The following MC2R variants were observed in gnomAD, a reference collection of about 807,000 sequenced individuals.
MC2R encodes adrenocorticotropic hormone receptor.
In MC2R, 9 loss-of-function variants were observed where a neutral mutation model predicts 9.8. The observed-to-expected ratio is 0.92, with a 90% CI of 0.55 to 1.60. The LOEUF (loss-of-function observed/expected upper bound fraction) is 1.60, where lower values mean the gene tolerates loss of function less well. Among genes scored for constraint, MC2R ranks in the 40% most tolerant of loss-of-function variants. MC2R has a pLI of 0.00. For missense variants in MC2R, 370 were observed against 389.0 expected (o/e 0.95, Z 0.41); for synonymous variants, 185 against 154.7 (o/e 1.20, Z -1.45).
intron 1 of MC2R, among the ~76,000 whole-genome samples, chr18:13,890,191 C>G (rs2045307592): frequency 1.3e-5 from 2 of 152,134 alleles, no homozygotes; most frequent in Admixed American, 1.3e-4. Context: ...GTAGACACCA[C>G]TTGTGGTTTA....
At chr18:13,905,742 C>T (rs576427283) in intron 1 of MC2R, among the ~76,000 whole-genome samples, 1 of 152,274 alleles carries the variant, frequency 6.6e-6, no homozygotes, top group South Asian at 2.1e-4. Flanking sequence ...AATCCCATTA[C>T]TGGGTATATA....
chr18:13,892,103 A>G (rs1234053965), intron 1 of MC2R, among the ~76,000 whole-genome samples: 1 of 152,196 alleles, frequency 6.6e-6, no homozygotes, highest in Non-Finnish European at 1.5e-5. Flanking sequence ...TCTGGGGTCA[A>G]TTCAGGGGCC....
intron 1 of MC2R, among the ~76,000 whole-genome samples, chr18:13,887,754 C>T (rs2045285937): frequency 6.6e-6 from 1 of 152,164 alleles, no homozygotes; most frequent in Admixed American, 6.5e-5. Flanking sequence ...CTCTTCCTGC[C>T]TTCGGACTAG....
intron 1 of MC2R, among the ~76,000 whole-genome samples, chr18:13,889,849 C>T (rs980657151): frequency 1.3e-5 from 2 of 152,104 alleles, no homozygotes; most frequent in South Asian, 2.1e-4. Context: ...CAAGGGAGTC[C>T]TATTCTCTCT....
intron 1 of MC2R, among the ~76,000 whole-genome samples, chr18:13,895,172 T>C (rs1172843401): frequency 6.6e-6 from 1 of 152,260 alleles, no homozygotes; most frequent in African/African-American, 2.4e-5. Context: ...ATTCACAGCC[T>C]GTGCTTCTAA....
intron 1 of MC2R, among the ~76,000 whole-genome samples, chr18:13,914,826 G>C (rs956598695): frequency 1.3e-5 from 2 of 152,206 alleles, no homozygotes; most frequent in African/African-American, 4.8e-5. Context: ...CCTCATGATG[G>C]CAGTGACTGC....
intron 1 of MC2R, among the ~76,000 whole-genome samples, chr18:13,902,842 G>T (rs890430086): frequency 3.3e-5 from 5 of 152,022 alleles, no homozygotes; most frequent in African/African-American, 1.2e-4. Context: ...GGACAAATGG[G>T]ACCACATCAA....
intron 1 of MC2R, among the ~76,000 whole-genome samples, chr18:13,905,812 C>T (rs1223993739): frequency 2.0e-5 from 3 of 152,186 alleles, no homozygotes; most frequent in Non-Finnish European, 4.4e-5. Context: ...AATCCCAGCA[C>T]TTTGGAAGGC....
intron 1 of MC2R, among the ~76,000 whole-genome samples, chr18:13,897,499 T>C (rs2045353408): frequency 6.6e-6 from 1 of 152,038 alleles, no homozygotes; most frequent in African/African-American, 2.4e-5. Flanking sequence ...GACAGCGGAC[T>C]TGGGGGGCGC....
intron 1 of MC2R, among the ~76,000 whole-genome samples, chr18:13,898,304 G>A (rs183436370): frequency 2.6e-5 from 4 of 152,182 alleles, no homozygotes; most frequent in African/African-American, 4.8e-5. Context: ...GGAAAGAGAC[G>A]GGTGAGTGGG....
rs759943594 is a variant in MC2R, at chr18:13,884,647, A to G, written c.872T>C (p.Ile291Thr). Residue 291 changes from isoleucine (I) to threonine (T), a missense_variant, in exon 2 of 2, where the codon ATC (isoleucine) becomes ACC (threonine). Ile to Thr is a moderately conservative substitution (Grantham distance 89). Coordinates refer to ENST00000327606, the MANE Select transcript of MC2R (RefSeq NM_000529.2). ...PELRDAFKKM[I>T]FCSRYW ...ATTCTACCAGTACCTGCTGCAGAAGATCATCTTTTTGAATGCGTCCCTGAG... is the reference window on the plus strand; with the variant it reads ...ATTCTACCAGTACCTGCTGCAGAAGGTCATCTTTTTGAATGCGTCCCTGAG... The G allele has an allele frequency of 4.3e-6, 7 of 1,613,284 alleles. No individual in the cohort carries two copies. The highest frequency in any genetic ancestry group is 5.9e-6 in the Non-Finnish European group (7 of 1,180,036).
rs1382780770 is a variant in MC2R, at chr18:13,883,182, T to A, written c.*1443A>T. On this transcript the variant is annotated 3_prime_UTR_variant, in exon 2 of 2. Coordinates refer to ENST00000327606, the MANE Select transcript of MC2R (RefSeq NM_000529.2). Reference sequence around the variant, plus strand: ...TGCCTGTTCTGGAAGATACCATCCATCCTGCAGATCCTGAGCCTGGTGGCC... The same window carrying A: ...TGCCTGTTCTGGAAGATACCATCCAACCTGCAGATCCTGAGCCTGGTGGCC... 1 of 152,408 alleles carries A rather than the reference T, an allele frequency of 6.6e-6. No individual in the cohort carries two copies. Among genetic ancestry groups the A allele is most frequent in the Non-Finnish European group, 1.5e-5 (1 of 68,188 alleles). 9.4% of individuals were successfully genotyped at this position (152,408 alleles called of 1,614,324 possible).
intron 1 of MC2R, among the ~76,000 whole-genome samples, chr18:13,909,407 A>G (rs149959285): frequency 7.2e-5 from 11 of 152,126 alleles, no homozygotes; most frequent in Non-Finnish European, 1.3e-4. Flanking sequence ...TTTCCTGCAC[A>G]CTGTTTCCAT....
At chr18:13,889,405 G>A (rs1200272477) in intron 1 of MC2R, among the ~76,000 whole-genome samples, 2 of 152,178 alleles carry the variant, frequency 1.3e-5, no homozygotes, top group Admixed American at 1.3e-4. Context: ...AAAGAAACTT[G>A]GTTGATTCGT....
chr18:13,914,667 T>C (rs1363545565), intron 1 of MC2R, among the ~76,000 whole-genome samples: 3 of 152,170 alleles, frequency 2.0e-5, no homozygotes, highest in Non-Finnish European at 1.5e-5. Context: ...TGTATGAGTG[T>C]GTGTGTGTAA....
At chr18:13,888,470 C>T (rs1003455876) in intron 1 of MC2R, among the ~76,000 whole-genome samples, 1 of 152,182 alleles carries the variant, frequency 6.6e-6, no homozygotes. Context: ...ACTCAACCCC[C>T]AGAGGAAGCT....
intron 1 of MC2R, among the ~76,000 whole-genome samples, chr18:13,905,839 C>CCT (rs1289461913): frequency 4.0e-5 from 6 of 151,864 alleles, no homozygotes; most frequent in Non-Finnish European, 7.4e-5. Flanking sequence ...GGGTGGATCA[C>CCT]GATGCCAAGA....
intron 1 of MC2R, among the ~76,000 whole-genome samples, chr18:13,914,003 G>T (rs984561429): frequency 3.3e-5 from 5 of 151,826 alleles, no homozygotes; most frequent in Non-Finnish European, 7.4e-5. Flanking sequence ...AAATGTATTA[G>T]ACACTAAGGA....
rs531598544 is a variant in MC2R, at chr18:13,904,671, G to A, written c.-129+10817C>T. 2.4e-3 allele frequency among the ~76,000 whole-genome samples: 181 copies of A among 76,430 alleles called. 4 individuals are homozygous for A. The Middle Eastern group carries it at 0.045, about 19-fold the overall frequency. The allele number at this position is 76,430 out of a possible 152,430, so 50.1% of individuals were successfully genotyped here. ...AGTAACCAAAACAGTAACCAAAACG[G>A]TACCATGGTACTGGTACCAAAACAG... On this transcript the variant is annotated intron_variant, in intron 1 of 1. Coordinates refer to ENST00000327606, the MANE Select transcript of MC2R (RefSeq NM_000529.2).
Sources: gnomAD v4.1 joint callset for allele counts (sites outside exome capture counted in the v4.1 genomes callset) on GRCh38, gnomAD v4.1.1 for gene constraint, MANE v1.5 for transcripts, NCBI Gene and HGNC (gene_info 2026-07-23, HGNC 2026-07-21) for gene names.